The following NSD3 variants were observed in gnomAD, a reference collection of about 807,000 sequenced individuals.
The protein encoded by NSD3 is histone-lysine N-methyltransferase NSD3.
NSD3 carries 24 observed loss-of-function variants against 160.8 expected under a neutral mutation model. The observed-to-expected ratio is 0.15, with a 90% CI of 0.11 to 0.21. The LOEUF is 0.21. Among genes scored for constraint, NSD3 ranks in the 10% least tolerant of loss-of-function variants. The pLI is 1.00. For missense variants in NSD3, 1,157 were observed against 1,735.9 expected (o/e 0.67, Z 5.93); for synonymous variants, 520 against 600.0 (o/e 0.87, Z 1.95).
At chr8:38,341,970 C>T (rs1810381230) in intron 2 of NSD3, among the ~76,000 whole-genome samples, 1 of 152,060 alleles carries the variant, frequency 6.6e-6, no homozygotes, top group African/African-American at 2.4e-5. Flanking sequence ...AAAAGGACTT[C>T]CTTCCAAATC....
chr8:38,310,024 A>T (rs533443171), intron 12 of NSD3, among the ~76,000 whole-genome samples: 1 of 152,298 alleles, frequency 6.6e-6, no homozygotes, highest in South Asian at 2.1e-4. Flanking sequence ...AAAGCACTTA[A>T]TTTTTTTAAT....
intron 1 of NSD3, among the ~76,000 whole-genome samples, chr8:38,353,125 T>C (rs766233740): frequency 6.6e-5 from 10 of 152,182 alleles, no homozygotes; most frequent in Non-Finnish European, 1.3e-4. Flanking sequence ...CAAGTGCACA[T>C]GGCTAAGATT....
rs115864689 is a variant in NSD3, at chr8:38,349,495, C to T, written c.-44-1280G>A. 3.4e-3 allele frequency among the ~76,000 whole-genome samples: 517 copies of T among 151,544 alleles called. 3 individuals are homozygous for T. The highest frequency in any genetic ancestry group is 0.012 in the African/African-American group (484 of 41,358). On this transcript the variant is annotated intron_variant, in intron 1 of 23. Coordinates refer to ENST00000317025, the MANE Select transcript of NSD3 (RefSeq NM_023034.2). ...CACCACGCCTGGCCTGAAACATTCT[C>T]TAAACTCTGTTTTTGTGCACATATA... is the stretch of plus-strand genomic sequence containing the variant.
intron 15 of NSD3, among the ~76,000 whole-genome samples, chr8:38,299,061 A>G (rs1310075131): frequency 1.3e-5 from 2 of 152,236 alleles, no homozygotes; most frequent in Non-Finnish European, 2.9e-5. Context: ...TTTAGTTGAA[A>G]GTTAGTAACA....
chr8:38,342,221 T>C (rs1284515251), intron 2 of NSD3, among the ~76,000 whole-genome samples: 1 of 152,104 alleles, frequency 6.6e-6, no homozygotes, highest in African/African-American at 2.4e-5. Context: ...GCTGCAATAA[T>C]AGAGAGGGAG....
chr8:38,351,402 C>T (rs914271683), intron 1 of NSD3, among the ~76,000 whole-genome samples: 1 of 151,014 alleles, frequency 6.6e-6, no homozygotes, highest in Non-Finnish European at 1.5e-5. Context: ...CCGTGGCTCA[C>T]ATCTGTAATC....
chr8:38,278,473 AG>A, intron 21 of NSD3, 61 bp from the exon 22 acceptor site: 1 of 1,393,526 alleles, frequency 7.2e-7, no homozygotes, highest in South Asian at 1.3e-5. Flanking sequence ...AAGCTCTCAC[AG>A]GCACACTCCC....
chr8:38,299,369 T>C (rs1775070115), intron 15 of NSD3, 75 bp downstream of exon 15: 2 of 1,496,228 alleles, frequency 1.3e-6, no homozygotes, highest in Non-Finnish European at 9.0e-7. Context: ...CAGGCATACA[T>C]TTCCCCCCTA....
At chr8:38,356,270 CA>C (rs527806823) in intron 1 of NSD3, among the ~76,000 whole-genome samples, 3 of 151,462 alleles carry the variant, frequency 2.0e-5, no homozygotes, top group South Asian at 4.2e-4. Flanking sequence ...TTTAAATAAG[CA>C]AAAAAAAGTT....
intron 19 of NSD3, among the ~76,000 whole-genome samples, chr8:38,284,590 T>C (rs1460516111): frequency 6.6e-6 from 1 of 152,204 alleles, no homozygotes; most frequent in Non-Finnish European, 1.5e-5. Context: ...TTTCACTATG[T>C]TGGTCAGGCT....
Position 38,276,390 on chromosome 8 carries a change from T to G in NSD3, c.3978A>C (p.Gln1326His). The G allele has an allele frequency of 6.2e-7, 1 of 1,614,250 alleles. No homozygotes were observed. The highest frequency in any genetic ancestry group is 1.1e-5 in the South Asian group (1 of 91,086). Residue 1326 changes from glutamine (Q) to histidine (H), a missense_variant, in exon 23 of 24, where the codon CAA becomes CAC. Physicochemically the swap from Gln to His is conservative, Grantham distance 24 (BLOSUM62 0). Coordinates refer to ENST00000317025, the MANE Select transcript of NSD3 (RefSeq NM_023034.2). ...PKQMHEDYCF[Q>H]CGDGGELVMC... ...TGACCAGCTCTCCACCATCTCCACA[T>G]TGAAAACAGTAATCTTCATGCATCT...
intron 14 of NSD3, among the ~76,000 whole-genome samples, chr8:38,301,580 C>CA (rs1251145396): frequency 2.7e-4 from 39 of 146,838 alleles, no homozygotes; most frequent in African/African-American, 8.0e-4. Flanking sequence ...AACTCTGTCT[C>CA]AAAAAAAAAA....
chr8:38,295,991 G>A, intron 15 of NSD3, 39 bp from the exon 16 acceptor site: 1 of 1,549,610 alleles, frequency 6.5e-7, no homozygotes, highest in Non-Finnish European at 8.7e-7. Context: ...TGAGAAAAGA[G>A]GAGAGAGAAA....
intron 12 of NSD3, among the ~76,000 whole-genome samples, chr8:38,310,756 C>T (rs528007304): frequency 6.6e-6 from 1 of 151,956 alleles, no homozygotes; most frequent in South Asian, 2.1e-4. Flanking sequence ...AAGCAATCCG[C>T]TCGTCTTGGC....
intron 12 of NSD3, among the ~76,000 whole-genome samples, chr8:38,310,170 T>G (rs1295972257): frequency 6.6e-6 from 1 of 152,170 alleles, no homozygotes; most frequent in Non-Finnish European, 1.5e-5. Context: ...ATACTGAAAC[T>G]TGGTACCCAT....
intron 1 of NSD3, among the ~76,000 whole-genome samples, chr8:38,357,839 G>C (rs1032891790): frequency 2.6e-5 from 4 of 152,178 alleles, no homozygotes; most frequent in Non-Finnish European, 5.9e-5. Flanking sequence ...CAGAGCTGCT[G>C]TGGGTCTTTG....
chr8:38,278,934 T>A (rs1808674358), intron 21 of NSD3, among the ~76,000 whole-genome samples: 1 of 152,188 alleles, frequency 6.6e-6, no homozygotes, highest in South Asian at 2.1e-4. Flanking sequence ...CCACAATGAG[T>A]TCTAGAAACA....
At chr8:38,340,707 A>G (rs1810341795) in intron 2 of NSD3, among the ~76,000 whole-genome samples, 1 of 152,022 alleles carries the variant, frequency 6.6e-6, no homozygotes, top group Non-Finnish European at 1.5e-5. Flanking sequence ...AAACCCAAGT[A>G]TCATTCACTT....
At chr8:38,320,396 GTTTAA>G (rs1454987963) in intron 8 of NSD3, 1 of 152,056 alleles carries the variant, frequency 6.6e-6, no homozygotes, top group East Asian at 1.9e-4. Flanking sequence ...CTGATTGTGA[GTTTAA>G]TTTAAAGAAG....
Sources: gnomAD v4.1 joint callset for allele counts (sites outside exome capture counted in the v4.1 genomes callset) on GRCh38, gnomAD v4.1.1 for gene constraint, MANE v1.5 for transcripts, NCBI Gene and HGNC (gene_info 2026-07-23, HGNC 2026-07-21) for gene names.